Variants in SLC24A2 observed in about 807,000 individuals in gnomAD.
SLC24A2 encodes the protein solute carrier family 24 member 2.
SLC24A2 carries 36 observed loss-of-function variants against 62.0 expected under a neutral mutation model. The observed-to-expected ratio is 0.58, with a 90% confidence interval of 0.44 to 0.77. SLC24A2 has a LOEUF of 0.77. SLC24A2 is among the 30% of genes least tolerant of loss of function. SLC24A2 has a pLI of 0.00. For missense variants in SLC24A2, 846 were observed against 817.9 expected, an observed-to-expected ratio of 1.03 and a Z score of -0.42; for synonymous variants, 358 against 294.0, an observed-to-expected ratio of 1.22 and a Z score of -2.23.
chr9:19,899,462 T>A, the SLC24A2 span, among the ~76,000 whole-genome samples: 16 of 152,314 alleles, frequency 1.1e-4, no homozygotes, highest in African/African-American at 3.6e-4. Flanking sequence ...AGTCTTGCTA[T>A]GTTATACAAC....
the SLC24A2 span, chr9:19,928,033 T>A: frequency 6.6e-6 from 1 of 152,518 alleles, no homozygotes; most frequent in Admixed American, 6.5e-5. Context: ...TTCGGCTCAC[T>A]CCTGGAGCTG....
intron 5 of SLC24A2, among the ~76,000 whole-genome samples, chr9:19,586,142 G>A (rs1836364007): frequency 6.6e-6 from 1 of 152,036 alleles, no homozygotes; most frequent in Non-Finnish European, 1.5e-5. Context: ...TCATCCTTCT[G>A]GAAGCCTTCC....
chr9:19,589,776 A>G (rs1159016055), intron 5 of SLC24A2, among the ~76,000 whole-genome samples: 3 of 152,164 alleles, frequency 2.0e-5, no homozygotes, highest in Non-Finnish European at 2.9e-5. Context: ...AGCTTACTCA[A>G]AATGCAAGAT....
At chr9:19,831,060 C>T in the SLC24A2 span, among the ~76,000 whole-genome samples, 2 of 152,146 alleles carry the variant, frequency 1.3e-5, no homozygotes, top group Non-Finnish European at 2.9e-5. Flanking sequence ...AAGAATGCCT[C>T]CTTTAACCTT....
the SLC24A2 span, among the ~76,000 whole-genome samples, chr9:19,889,494 T>A: frequency 6.6e-6 from 1 of 151,838 alleles, no homozygotes; most frequent in South Asian, 2.1e-4. Context: ...CCTCCATTCA[T>A]GCTTAGCAAT....
chr9:19,770,107 A>T (rs1185434811), intron 2 of SLC24A2, among the ~76,000 whole-genome samples: 1 of 151,098 alleles, frequency 6.6e-6, no homozygotes, highest in African/African-American at 2.4e-5. Flanking sequence ...TAATTTCTTT[A>T]TGAGCCAGGA....
the SLC24A2 span, among the ~76,000 whole-genome samples, chr9:20,302,687 T>C: frequency 6.6e-6 from 1 of 152,242 alleles, no homozygotes; most frequent in Non-Finnish European, 1.5e-5. Flanking sequence ...TGTCTTCTCA[T>C]TCTCTTGACT....
intron 2 of SLC24A2, among the ~76,000 whole-genome samples, chr9:19,738,242 A>G (rs1821567527): frequency 6.6e-6 from 1 of 152,184 alleles, no homozygotes; most frequent in Admixed American, 6.6e-5. Flanking sequence ...GTTTGTCCCC[A>G]CTATCAACAT....
At chr9:19,815,959 C>CCTT in the SLC24A2 span, among the ~76,000 whole-genome samples, 81 of 103,462 alleles carry the variant, frequency 7.8e-4, no homozygotes, top group African/African-American at 1.8e-3. Context: ...TTTTTTGCCC[C>CCTT]TTTTTTTTTT....
the SLC24A2 span, among the ~76,000 whole-genome samples, chr9:20,284,432 C>G: frequency 2.2e-4 from 33 of 152,200 alleles, no homozygotes; most frequent in Non-Finnish European, 4.6e-4. Flanking sequence ...CAGGCACAAC[C>G]ATGCGCAGCT....
At chr9:19,925,412 T>A in the SLC24A2 span, among the ~76,000 whole-genome samples, 3 of 152,228 alleles carry the variant, frequency 2.0e-5, no homozygotes, top group Non-Finnish European at 2.9e-5. Flanking sequence ...AATTTTGGCA[T>A]AGGTAAGCAC....
chr9:19,592,667 C>T (rs189692220), intron 5 of SLC24A2, among the ~76,000 whole-genome samples: 2 of 152,276 alleles, frequency 1.3e-5, no homozygotes, highest in African/African-American at 4.8e-5. Flanking sequence ...TCCCATCACA[C>T]AAACTTGCCT....
At chr9:20,095,524 G>C in the SLC24A2 span, among the ~76,000 whole-genome samples, 2 of 152,172 alleles carry the variant, frequency 1.3e-5, no homozygotes, top group Non-Finnish European at 2.9e-5. Flanking sequence ...TTCTCCACGT[G>C]AGAGAAAATT....
the SLC24A2 span, among the ~76,000 whole-genome samples, chr9:20,197,874 C>T: frequency 6.6e-6 from 1 of 152,182 alleles, no homozygotes; most frequent in Non-Finnish European, 1.5e-5. Flanking sequence ...CCAACAGTCA[C>T]TCATGAATGT....
chr9:20,099,918 C>G, the SLC24A2 span, among the ~76,000 whole-genome samples: 1 of 152,170 alleles, frequency 6.6e-6, no homozygotes, highest in Non-Finnish European at 1.5e-5. Flanking sequence ...CCTTTAATAA[C>G]CACTCACCCA....
At chr9:20,169,633 A>G in the SLC24A2 span, among the ~76,000 whole-genome samples, 1 of 151,980 alleles carries the variant, frequency 6.6e-6, no homozygotes, top group African/African-American at 2.4e-5. Context: ...GAAAACAGGG[A>G]GAGTACTACA....
chr9:20,073,919 GATATAT>G, the SLC24A2 span, among the ~76,000 whole-genome samples: 1,255 of 140,788 alleles, frequency 8.9e-3, 30 homozygotes, highest in African/African-American at 0.031. Flanking sequence ...CTTGTGGGGA[GATATAT>G]ATATATATAT....
chr9:20,271,863 T>C, the SLC24A2 span, among the ~76,000 whole-genome samples: 1 of 152,226 alleles, frequency 6.6e-6, no homozygotes, highest in Admixed American at 6.5e-5. Flanking sequence ...ATTATCCATT[T>C]GTAAGGATAT....
chr9:19,884,209 A>C, the SLC24A2 span, among the ~76,000 whole-genome samples: 3 of 152,348 alleles, frequency 2.0e-5, no homozygotes, highest in East Asian at 3.9e-4. Flanking sequence ...AATGTGTATT[A>C]GTTTATAATA....
Sources: gnomAD v4.1 joint callset for allele counts (sites outside exome capture counted in the v4.1 genomes callset) on GRCh38, gnomAD v4.1.1 for gene constraint, MANE v1.5 for transcripts, NCBI Gene and HGNC (gene_info 2026-07-23, HGNC 2026-07-21) for gene names.